Variants in RUNX2 observed in about 807,000 individuals in gnomAD.
RUNX2 encodes the protein runt-related transcription factor 2.
In RUNX2, 10 loss-of-function variants were observed where a neutral mutation model predicts 51.7. That is an observed-to-expected ratio of 0.19 (90% CI 0.12 to 0.33). The LOEUF is 0.33. Among genes scored for constraint, RUNX2 ranks in the 10% least tolerant of loss-of-function variants. The pLI is 1.00. For synonymous variants in RUNX2, 276 were observed against 273.6 expected, an observed-to-expected ratio of 1.01 and a Z score of -0.09; for missense variants, 562 against 691.3, an observed-to-expected ratio of 0.81 and a Z score of 2.10.
intron 5 of RUNX2, among the ~76,000 whole-genome samples, chr6:45,445,304 G>A (rs1582119764): frequency 6.6e-6 from 1 of 152,294 alleles, no homozygotes; most frequent in African/African-American, 2.4e-5. Context: ...GATTATAGGT[G>A]TGAGCCACCG....
At chr6:45,415,510 A>G (rs1418912773) in intron 2 of RUNX2, among the ~76,000 whole-genome samples, 2 of 152,176 alleles carry the variant, frequency 1.3e-5, no homozygotes, top group Non-Finnish European at 2.9e-5. Flanking sequence ...CCACACTGCT[A>G]CAAACAGCCC....
chr6:45,405,729 G>T (rs1441387439), intron 2 of RUNX2, among the ~76,000 whole-genome samples: 1 of 152,094 alleles, frequency 6.6e-6, no homozygotes, highest in African/African-American at 2.4e-5. Flanking sequence ...AGAGGTTGCA[G>T]TGAGCTGAGA....
In RUNX2 at chr6:45,546,898, T is replaced by C; in HGVS notation, c.1159T>C (p.Phe387Leu). 3 of 1,614,028 alleles carry C rather than the reference T, an allele frequency of 1.9e-6. No homozygotes were observed. The highest frequency in any genetic ancestry group is 2.5e-6 in the Non-Finnish European group (3 of 1,180,000). ...PSISSLTESR[F>L]SNPRMHYPAT... is the part of the protein sequence containing the mutation. ...CATTTCATCCCTCACTGAGAGCCGC[T>C]TCTCCAACCCACGAATGCACTATCC... Residue 387 changes from phenylalanine (F) to leucine (L), a missense_variant, in exon 9 of 9, where the codon TTC (phenylalanine) becomes CTC (leucine). Phe to Leu is a conservative substitution (Grantham distance 22). Around this residue, in one of 5 missense-constraint regions of RUNX2, gnomAD observed 304 missense variants for 353.2 expected, o/e 0.86. Coordinates refer to ENST00000647337, the MANE Select transcript of RUNX2 (RefSeq NM_001024630.4).
chr6:45,335,396 G>C (rs1418335049), intron 2 of RUNX2, among the ~76,000 whole-genome samples: 1 of 151,138 alleles, frequency 6.6e-6, no homozygotes, highest in East Asian at 1.9e-4. Context: ...ACCTACTGCT[G>C]TATCACTATA....
intron 5 of RUNX2, among the ~76,000 whole-genome samples, chr6:45,466,611 T>A (rs879401451): frequency 6.6e-6 from 1 of 152,226 alleles, no homozygotes; most frequent in Non-Finnish European, 1.5e-5. Flanking sequence ...CAGGTGGCCT[T>A]GGTGAGAGAC....
intron 5 of RUNX2, among the ~76,000 whole-genome samples, chr6:45,453,165 A>T (rs1799223326): frequency 6.6e-6 from 1 of 152,182 alleles, no homozygotes; most frequent in African/African-American, 2.4e-5. Context: ...TAAAAGCTAC[A>T]GCTGTCTCTT....
At chr6:45,468,038 G>A (rs904426978) in intron 5 of RUNX2, among the ~76,000 whole-genome samples, 22 of 152,124 alleles carry the variant, frequency 1.4e-4, no homozygotes, top group African/African-American at 5.3e-4. Context: ...ACTCTCTGTG[G>A]TGCCCCACAT....
intron 2 of RUNX2, among the ~76,000 whole-genome samples, chr6:45,332,888 A>G (rs1787789809): frequency 6.6e-6 from 1 of 151,718 alleles, no homozygotes; most frequent in South Asian, 2.1e-4. Flanking sequence ...AGACTTCTCA[A>G]TACGTTACCT....
At chr6:45,530,206 A>C (rs1425341363) in intron 7 of RUNX2, among the ~76,000 whole-genome samples, 1 of 152,236 alleles carries the variant, frequency 6.6e-6, no homozygotes, top group Non-Finnish European at 1.5e-5. Flanking sequence ...AACCCCTCCC[A>C]GGGGTCTTCC....
At chr6:45,397,107 CTT>C (rs548405066) in intron 2 of RUNX2, among the ~76,000 whole-genome samples, 4 of 143,676 alleles carry the variant, frequency 2.8e-5, no homozygotes, top group Non-Finnish European at 3.1e-5. Flanking sequence ...ATATTTAAAA[CTT>C]TTTTTTTTTT....
chr6:45,352,282 T>G (rs1332345544), intron 2 of RUNX2, among the ~76,000 whole-genome samples: 1 of 152,020 alleles, frequency 6.6e-6, no homozygotes. Flanking sequence ...AACCAAGGAG[T>G]AAGCAAACCC....
chr6:45,527,812 C>T (rs1801717668), intron 7 of RUNX2, among the ~76,000 whole-genome samples: 1 of 152,122 alleles, frequency 6.6e-6, no homozygotes, highest in Non-Finnish European at 1.5e-5. Flanking sequence ...TCCTTGGCAC[C>T]ATGCAAACCC....
intron 2 of RUNX2, among the ~76,000 whole-genome samples, chr6:45,407,006 TTA>T (rs1435975518): frequency 1.4e-4 from 22 of 152,214 alleles, no homozygotes; most frequent in African/African-American, 5.3e-4. Flanking sequence ...ACCACCCCAC[TTA>T]TAAAATAAAA....
At position 45,517,437 on chromosome 6, in the gene RUNX2, A is replaced by T. The variant is rs1027491970; in HGVS notation, c.1021+5030A>T. ...GTGATCCTCTTGCCTTGGCCTCCCA[A>T]AGTGCTGGGATTACAGACATGAGCC... is the stretch of plus-strand genomic sequence containing the variant. On this transcript the variant is annotated intron_variant, in intron 7 of 8. Transcript: ENST00000647337. 1.2e-4 allele frequency among the ~76,000 whole-genome samples: 18 copies of T among 152,180 alleles called. No homozygotes were observed. The East Asian group carries it at 2.5e-3, about 21-fold the overall frequency.
chr6:45,545,410 G>T (rs1012904794), intron 8 of RUNX2, 128 bp downstream of exon 8: 10 of 963,466 alleles, frequency 1.0e-5, no homozygotes, highest in Admixed American at 2.7e-5. Flanking sequence ...TATTACAAAT[G>T]CACATCATGG....
rs749565421 is a variant in RUNX2 at position 45,512,318 on chromosome 6, C to T, written c.932C>T (p.Thr311Met). 4.3e-5 allele frequency: 69 copies of T among 1,614,038 alleles called. No homozygotes were observed. The Admixed American group carries it at 8.3e-4, about 19-fold the overall frequency. ...TACCCCTCCTACCTGAGCCAGATGA[C>T]GTCCCCGTCCATCCACTCTACCACC... ...QSYPSYLSQM[T>M]SPSIHSTTPL... Residue 311 changes from threonine (T) to methionine (M), a missense_variant, in exon 7 of 9, where the codon ACG becomes ATG. By Grantham distance (81) the Thr-to-Met change is moderately conservative. This residue lies in a region of RUNX2 where 304 missense variants were observed against 353.2 expected (regional missense o/e 0.86). Coordinates refer to ENST00000647337, the MANE Select transcript of RUNX2 (RefSeq NM_001024630.4).
At chr6:45,357,389 G>A (rs940782750) in intron 2 of RUNX2, among the ~76,000 whole-genome samples, 1 of 151,960 alleles carries the variant, frequency 6.6e-6, no homozygotes, top group Non-Finnish European at 1.5e-5. Context: ...GGAGAACAGT[G>A]GCAGGATCAT....
At chr6:45,421,654 C>T (rs1582092599) in intron 2 of RUNX2, 3 of 152,226 alleles carry the variant, frequency 2.0e-5, no homozygotes, top group East Asian at 3.9e-4. Context: ...GAGGGGGTTC[C>T]TTGTCCTAGG....
chr6:45,457,316 A>T (rs1799344412), intron 5 of RUNX2, among the ~76,000 whole-genome samples: 1 of 152,160 alleles, frequency 6.6e-6, no homozygotes, highest in South Asian at 2.1e-4. Flanking sequence ...ACCTTTCCCA[A>T]CAGAAGAAGG....
Sources: allele counts gnomAD v4.1 joint callset (sites outside exome capture counted in the v4.1 genomes callset), GRCh38; gene constraint gnomAD v4.1.1; regional missense constraint gnomAD v4.1.1; transcripts MANE v1.5; gene names NCBI Gene and HGNC (gene_info 2026-07-23, HGNC 2026-07-21).